DNAJC17: variants seen among roughly 807,000 people sequenced by gnomAD.
DNAJC17 encodes dnaJ homolog subfamily C member 17.
Under a neutral mutation model 48.1 loss-of-function variants are expected in DNAJC17, and 35 were observed. The ratio of observed to expected loss-of-function variants is 0.73; its 90% confidence interval spans 0.56 to 0.96. DNAJC17 has a LOEUF of 0.96. Ranked by LOEUF, DNAJC17 falls within the 50% of genes least tolerant of loss-of-function variation. The pLI is 0.00. For missense variants in DNAJC17, 355 were observed against 377.1 expected (o/e 0.94, Z 0.48); for synonymous variants, 117 against 142.7 (o/e 0.82, Z 1.28).
intron 1 of DNAJC17, among the ~76,000 whole-genome samples, chr15:40,788,211 T>C (rs1257157882): frequency 1.3e-5 from 2 of 152,164 alleles, no homozygotes; most frequent in Non-Finnish European, 2.9e-5. Context: ...CCCAGAGGTA[T>C]ATGACTGCCT....
intron 10 of DNAJC17, chr15:40,772,392 C>T (rs1889174605): frequency 6.0e-6 from 1 of 167,208 alleles, no homozygotes; most frequent in Non-Finnish European, 1.5e-5. Flanking sequence ...CTTTCCTCCT[C>T]TTGTGTATAG....
chr15:40,781,128 G>A (rs150917383), intron 1 of DNAJC17, among the ~76,000 whole-genome samples: 7 of 145,214 alleles, frequency 4.8e-5, no homozygotes, highest in Non-Finnish European at 1.0e-4. Flanking sequence ...TCCAGCCTGT[G>A]GGACAAGAGC....
chr15:40,799,638 T>G (rs920589178), intron 1 of DNAJC17, among the ~76,000 whole-genome samples: 3 of 152,218 alleles, frequency 2.0e-5, no homozygotes, highest in African/African-American at 7.2e-5. Context: ...ATATTCTCCT[T>G]TGTTGTTTTG....
intron 1 of DNAJC17, among the ~76,000 whole-genome samples, chr15:40,789,108 C>T (rs1338069199): frequency 6.6e-6 from 1 of 152,198 alleles, no homozygotes; most frequent in Non-Finnish European, 1.5e-5. Context: ...AAGATAATAC[C>T]AGAGAACCTG....
chr15:40,786,962 G>A (rs1566826758), intron 1 of DNAJC17, among the ~76,000 whole-genome samples: 1 of 152,182 alleles, frequency 6.6e-6, no homozygotes, highest in Non-Finnish European at 1.5e-5. Flanking sequence ...CTACTGAATA[G>A]TATGACACGT....
chr15:40,802,021 C>T (rs1236821721), intron 1 of DNAJC17, among the ~76,000 whole-genome samples: 1 of 151,942 alleles, frequency 6.6e-6, no homozygotes, highest in African/African-American at 2.4e-5. Context: ...CATCAGGACC[C>T]GGTGATGTTC....
intron 4 of DNAJC17, among the ~76,000 whole-genome samples, chr15:40,778,848 C>T (rs1889401049): frequency 1.3e-5 from 2 of 152,206 alleles, no homozygotes; most frequent in Admixed American, 6.5e-5. Flanking sequence ...GCACAAGAAT[C>T]GCCTGAACCC....
chr15:40,794,115 G>A (rs1173759086), intron 1 of DNAJC17, among the ~76,000 whole-genome samples: 1 of 152,146 alleles, frequency 6.6e-6, no homozygotes, highest in Non-Finnish European at 1.5e-5. Context: ...ACTTTGGGAG[G>A]CCGAGGCGGG....
intron 1 of DNAJC17, among the ~76,000 whole-genome samples, chr15:40,803,723 T>A (rs1215911579): frequency 6.6e-6 from 1 of 151,912 alleles, no homozygotes; most frequent in Non-Finnish European, 1.5e-5. Context: ...CTTAAGGAAC[T>A]CACCATGTCT....
intron 1 of DNAJC17, among the ~76,000 whole-genome samples, chr15:40,793,751 C>A (rs999210060): frequency 6.6e-6 from 1 of 151,910 alleles, no homozygotes; most frequent in Admixed American, 6.6e-5. Flanking sequence ...TCACTCTATG[C>A]CAGGCACTGT....
chr15:40,789,862 C>T (rs1320362319), intron 1 of DNAJC17, among the ~76,000 whole-genome samples: 1 of 128,780 alleles, frequency 7.8e-6, no homozygotes, highest in African/African-American at 3.0e-5. Context: ...GCCGAGATTG[C>T]GCCACTGCAC....
chr15:40,801,752 A>G (rs1890081877), intron 1 of DNAJC17, among the ~76,000 whole-genome samples: 1 of 151,994 alleles, frequency 6.6e-6, no homozygotes, highest in Non-Finnish European at 1.5e-5. Flanking sequence ...AAAAAAAAAA[A>G]AAAAAGAAAA....
At chr15:40,796,730 C>T (rs2141961767) in intron 1 of DNAJC17, among the ~76,000 whole-genome samples, 1 of 152,262 alleles carries the variant, frequency 6.6e-6, no homozygotes, top group Admixed American at 6.5e-5. Context: ...ACCATATGAT[C>T]TAGCAGTTCT....
At chr15:40,807,026 T>C (rs1890251997) in intron 1 of DNAJC17, 2 of 554,326 alleles carry the variant, frequency 3.6e-6, no homozygotes, top group Non-Finnish European at 6.4e-6. Flanking sequence ...AGGCACCTCT[T>C]GTCACAGTCA....
rs1324360697 is a variant in DNAJC17, at chr15:40,765,215, GATTTA to G, written c.*2720_*2724del. On this transcript the variant is annotated 3_prime_UTR_variant, in exon 11 of 11. Transcript: ENST00000220496. Reference sequence around the variant, plus strand: ...GTAATGTGCATACCATAAATTCTTTGATTTAAAGTGTACAATTCAGTGTTGTTGTT... The same window carrying G: ...GTAATGTGCATACCATAAATTCTTTGAAGTGTACAATTCAGTGTTGTTGTT... 1 of 152,112 alleles carries G rather than the reference GATTTA, an allele frequency of 6.6e-6. No homozygotes were observed. Among genetic ancestry groups the G allele is most frequent in the Non-Finnish European group, 1.5e-5 (1 of 68,026 alleles). 9.4% of individuals were successfully genotyped at this position (152,112 alleles called of 1,614,324 possible). A position where few individuals can be genotyped will look rare whatever the true frequency, so the allele number is the denominator to read the frequency against.
intron 10 of DNAJC17, 139 bp from the exon 11 acceptor site, chr15:40,768,201 C>G (rs1474118115): frequency 8.2e-7 from 1 of 1,223,690 alleles, no homozygotes. Flanking sequence ...GAACCCGGAG[C>G]ATCCTTTTGG....
At chr15:40,777,136 G>A (rs1175401742) in intron 4 of DNAJC17, among the ~76,000 whole-genome samples, 1 of 152,114 alleles carries the variant, frequency 6.6e-6, no homozygotes, top group African/African-American at 2.4e-5. Flanking sequence ...GCATCACCCC[G>A]GGTCCTGGAT....
intron 1 of DNAJC17, among the ~76,000 whole-genome samples, chr15:40,804,997 G>A (rs117598803): frequency 0.016 from 2,410 of 151,782 alleles, 32 homozygotes; most frequent in Middle Eastern, 0.038. Context: ...GTGAGACTCC[G>A]TCTCAAAAAA....
chr15:40,797,195 C>T (rs1439471248), intron 1 of DNAJC17, among the ~76,000 whole-genome samples: 1 of 152,244 alleles, frequency 6.6e-6, no homozygotes, highest in East Asian at 1.9e-4. Flanking sequence ...CATAGCAAAA[C>T]CCCATCTCTA....
Sources: allele counts gnomAD v4.1 joint callset (sites outside exome capture counted in the v4.1 genomes callset), GRCh38; gene constraint gnomAD v4.1.1; transcripts MANE v1.5; gene names NCBI Gene and HGNC (gene_info 2026-07-23, HGNC 2026-07-21).